TSFM: variants seen among roughly 807,000 people sequenced by gnomAD.
TSFM encodes the protein Ts translation elongation factor, mitochondrial.
TSFM carries 29 observed loss-of-function variants against 33.4 expected under a neutral mutation model. The ratio of observed to expected loss-of-function variants is 0.87; its 90% confidence interval spans 0.65 to 1.18. The LOEUF (loss-of-function observed/expected upper bound fraction) is 1.18. Ranked by LOEUF, TSFM falls within the 50% of genes most tolerant of loss-of-function variation. TSFM has a pLI of 0.00. For synonymous variants in TSFM, 178 were observed against 163.5 expected (o/e 1.09, Z -0.68); for missense variants, 394 against 395.6 (o/e 1.00, Z 0.04).
chr12:57,795,383 A>G (rs1328894012), intron 5 of TSFM, among the ~76,000 whole-genome samples: 1 of 152,068 alleles, frequency 6.6e-6, no homozygotes, highest in African/African-American at 2.4e-5. Context: ...TACAGGCGTG[A>G]GCCACCACGG....
chr12:57,782,901 C>T (rs996575988), intron 1 of TSFM, 43 bp downstream of exon 1: 22 of 1,556,968 alleles, frequency 1.4e-5, no homozygotes, highest in Non-Finnish European at 1.8e-5. Flanking sequence ...GTCCCTGCAG[C>T]TCTCCTGTGC....
chr12:57,790,304 G>A (rs1334893604), intron 4 of TSFM, among the ~76,000 whole-genome samples: 2 of 151,964 alleles, frequency 1.3e-5, no homozygotes, highest in African/African-American at 2.4e-5. Context: ...TCCTGACCTC[G>A]TGATCCACCC....
In TSFM at chr12:57,784,401, AT is replaced by A. The variant is rs1206278769; in HGVS notation, c.231+1125del. Among the ~76,000 whole-genome samples, 16 of 152,236 alleles carry A rather than the reference AT, an allele frequency of 1.1e-4. No homozygotes were observed. The East Asian group carries it at 1.7e-3, about 17-fold the overall frequency. ...ATAAGCTACATTACATTTATAAGAA[AT>A]TTTTTTCTGTGATAATAAGTTAACC... On this transcript the variant is annotated intron_variant, in intron 2 of 5. Coordinates refer to ENST00000652027, the MANE Select transcript of TSFM (RefSeq NM_005726.6).
At position 57,796,241 on chromosome 12, in the gene TSFM, C is replaced by T. The variant is rs772824028; in HGVS notation, c.636C>T (p.Tyr212=). The T allele has an allele frequency of 1.4e-5, 23 of 1,613,324 alleles. No individual in the cohort carries two copies. Among genetic ancestry groups the T allele is most frequent in the Middle Eastern group, 1.6e-4 (1 of 6,082 alleles). The change falls in exon 6 of 6, where the codon TAC becomes TAT. Residue 212 remains tyrosine (Y), a synonymous_variant. Coordinates refer to ENST00000652027, the MANE Select transcript of TSFM (RefSeq NM_005726.6). ...GGGTGAAGGTGCCATCTGGGTTCTA[C>T]GTTGGCTCTTATGTCCACGGAGCAA... is the stretch of plus-strand genomic sequence containing the variant. ...AAWVKVPSGF[Y]VGSYVHGAMQ... is the part of the protein sequence containing the mutation.
downstream of TSFM, chr12:57,802,369 T>C (rs1284679552): frequency 6.9e-6 from 11 of 1,590,592 alleles, no homozygotes; most frequent in African/African-American, 1.5e-4. Flanking sequence ...GGAGATTTAA[T>C]ATATGTTACT....
At chr12:57,792,681 C>G (rs1955677865) in intron 4 of TSFM, among the ~76,000 whole-genome samples, 1 of 152,138 alleles carries the variant, frequency 6.6e-6, no homozygotes, top group Non-Finnish European at 1.5e-5. Context: ...CAACCTCCGC[C>G]TCCCAGGTTT....
chr12:57,784,641 G>T (rs1387400879), intron 2 of TSFM, among the ~76,000 whole-genome samples: 2 of 151,946 alleles, frequency 1.3e-5, no homozygotes, highest in African/African-American at 4.8e-5. Flanking sequence ...AACTTTGGGA[G>T]GCTGAGGCAA....
Position 57,796,397 on chromosome 12 carries a change from C to A in TSFM, c.792C>A (p.Ala264=). Residue 264 remains alanine, a synonymous_variant, in exon 6 of 6, where the codon GCC becomes GCA. Coordinates refer to ENST00000652027, the MANE Select transcript of TSFM (RefSeq NM_005726.6). ...RRLGQHVVGM[A]PLSVGSLDDE... is the part of the protein sequence containing the mutation. ...TTGGGCAGCATGTGGTGGGCATGGC[C>A]CCCCTCTCTGTTGGCTCCCTGGACG... is the stretch of plus-strand genomic sequence containing the variant. The A allele has an allele frequency of 6.2e-7, 1 of 1,602,424 alleles. No individual in the cohort carries two copies. Among genetic ancestry groups the A allele is most frequent in the East Asian group, 2.2e-5 (1 of 44,514 alleles).
chr12:57,797,673 CA>C, downstream of TSFM: 6 of 733,286 alleles, frequency 8.2e-6, no homozygotes, highest in African/African-American at 1.9e-5. Flanking sequence ...CCACAAAACC[CA>C]AAAACTATAT....
chr12:57,799,511 G>A (rs113875743), downstream of TSFM, among the ~76,000 whole-genome samples: 74 of 152,314 alleles, frequency 4.9e-4, no homozygotes, highest in African/African-American at 1.6e-3. Context: ...GTAGGAACAG[G>A]TGGAAACCAG....
At chr12:57,795,867 C>T (rs1955729992) in intron 5 of TSFM, among the ~76,000 whole-genome samples, 1 of 152,116 alleles carries the variant, frequency 6.6e-6, no homozygotes, top group Admixed American at 6.5e-5. Flanking sequence ...CTACCCGCTT[C>T]AGCCTCCCAA....
intron 5 of TSFM, among the ~76,000 whole-genome samples, chr12:57,794,010 G>T (rs1477253542): frequency 6.6e-6 from 1 of 152,212 alleles, no homozygotes; most frequent in Admixed American, 6.5e-5. Context: ...CTTGATGGAG[G>T]GTGGGTGGTA....
chr12:57,787,950 A>G (rs1019558832), intron 4 of TSFM, among the ~76,000 whole-genome samples: 2 of 152,150 alleles, frequency 1.3e-5, no homozygotes, highest in Admixed American at 6.5e-5. Flanking sequence ...TGGAAAAGAC[A>G]TGGTTTAGGA....
intron 5 of TSFM, among the ~76,000 whole-genome samples, chr12:57,794,916 C>T (rs1411657103): frequency 6.6e-6 from 1 of 151,716 alleles, no homozygotes; most frequent in Non-Finnish European, 1.5e-5. Context: ...CCCGCCAGCA[C>T]GCCCGGCTAA....
At chr12:57,795,566 C>CT (rs1335368659) in intron 5 of TSFM, among the ~76,000 whole-genome samples, 1 of 152,114 alleles carries the variant, frequency 6.6e-6, no homozygotes, top group Non-Finnish European at 1.5e-5. Flanking sequence ...GAACTGAGAC[C>CT]TGAGTCACAC....
At chr12:57,786,087 T>G in intron 2 of TSFM, 76 bp from the exon 3 acceptor site, 145 of 1,425,900 alleles carry the variant, frequency 1.0e-4, no homozygotes, top group Non-Finnish European at 1.2e-4. Flanking sequence ...TCAGGAAACC[T>G]GAGTATATCT....
intron 2 of TSFM, chr12:57,784,125 AC>A: frequency 1.4e-6 from 1 of 702,620 alleles, no homozygotes; most frequent in Non-Finnish European, 2.6e-6. Context: ...ACAAACCGTT[AC>A]AAAATGTTAC....
At chr12:57,786,733 G>A (rs1337707687) in intron 3 of TSFM, among the ~76,000 whole-genome samples, 4 of 152,238 alleles carry the variant, frequency 2.6e-5, no homozygotes, top group Non-Finnish European at 5.9e-5. Context: ...GAGTTGGGAT[G>A]GCTGGAGAAT....
chr12:57,798,541 CATT>C (rs1955781379), downstream of TSFM, among the ~76,000 whole-genome samples: 1 of 152,014 alleles, frequency 6.6e-6, no homozygotes, highest in Non-Finnish European at 1.5e-5. Flanking sequence ...CTAGATAAGA[CATT>C]GTGGGAAATC....
Sources: allele counts gnomAD v4.1 joint callset (sites outside exome capture counted in the v4.1 genomes callset), GRCh38; gene constraint gnomAD v4.1.1; transcripts MANE v1.5; gene names NCBI Gene and HGNC (gene_info 2026-07-23, HGNC 2026-07-21).